The following VPS33B variants were observed in gnomAD, a reference collection of about 807,000 sequenced individuals.
The protein encoded by VPS33B is vacuolar protein sorting-associated protein 33B.
VPS33B carries 80 observed loss-of-function variants against 95.3 expected under a neutral mutation model. That is an observed-to-expected ratio of 0.84 (90% CI 0.70 to 1.01). VPS33B has a LOEUF of 1.01. VPS33B is among the 50% of genes least tolerant of loss of function. VPS33B has a pLI of 0.00. For synonymous variants in VPS33B, 280 were observed against 280.4 expected (o/e 1.00, Z 0.01); for missense variants, 715 against 773.4 (o/e 0.92, Z 0.90).
Position 91,014,373 on chromosome 15 carries a change from G to A in VPS33B, c.289+11C>T. On this transcript the variant is annotated intron_variant, in intron 4 of 22. Transcript: ENST00000333371. The stretch of plus-strand genomic sequence containing the variant: ...TTCCCACAGTTACACATAGTACCAT[G>A]GCACACTCACTGGCAATGTATCGCA... The A allele has an allele frequency of 1.2e-6, 2 of 1,614,064 alleles. No homozygotes were observed. The highest frequency in any genetic ancestry group is 1.7e-6 in the Non-Finnish European group (2 of 1,180,008).
In VPS33B at chr15:91,006,703, A is replaced by G; in HGVS notation, c.727T>C (p.Ser243Pro). ...ACTAGGCCCTCATAAACCACTTGGG[A>G]GCAAAGTGCTGTCACAAAGTCCACA... ...RDVDFVTALC[S>P]QVVYEGLVDD... The change falls in exon 10 of 23, where the codon TCC becomes CCC. Residue 243 changes from serine to proline, a missense_variant. Physicochemically the swap from Ser to Pro is moderately conservative, Grantham distance 74. Transcript: ENST00000333371. The surrounding 1 kb of genome is among the most constrained non-coding windows in gnomAD (Gnocchi z 5.4). 1 of 1,614,168 alleles carries G rather than the reference A, an allele frequency of 6.2e-7. No homozygotes were observed. The highest frequency in any genetic ancestry group is 8.5e-7 in the Non-Finnish European group (1 of 1,180,038).
At chr15:91,020,235 T>C (rs1035252415) in intron 1 of VPS33B, among the ~76,000 whole-genome samples, 2 of 152,262 alleles carry the variant, frequency 1.3e-5, no homozygotes, top group Non-Finnish European at 2.9e-5. Flanking sequence ...AATGTGCAAG[T>C]GTTATTTTAT....
At chr15:91,001,664 A>T (rs564564357) in intron 18 of VPS33B, among the ~76,000 whole-genome samples, 1 of 152,252 alleles carries the variant, frequency 6.6e-6, no homozygotes, top group South Asian at 2.1e-4. Flanking sequence ...ACGGGGTACC[A>T]GCTCTCTACT....
chr15:91,013,456 G>A lies in VPS33B; in HGVS notation c.357+348C>T, dbSNP rs1567227071. Among the ~76,000 whole-genome samples the A allele has an allele frequency of 1.3e-5, 2 of 152,130 alleles. No individual in the cohort carries two copies. The highest frequency in any genetic ancestry group is 4.1e-4 in the South Asian group (2 of 4,828). ...TAATAACAGGTGATTGGGTTATGAG[G>A]GAGGAGTCCTCATGAATGGATTAAT... On this transcript the variant is annotated intron_variant, in intron 5 of 22. Transcript: ENST00000333371. This position sits in a 1 kb window ranked among gnomAD's most constrained non-coding sequence, Gnocchi z 4.5.
chr15:91,007,053 G>C lies in VPS33B; in HGVS notation c.604-7C>G. 1.2e-6 allele frequency: 2 copies of C among 1,609,132 alleles called. No homozygotes were observed. Among genetic ancestry groups the C allele is most frequent in the East Asian group, 2.2e-5 (1 of 44,878 alleles). ...TCCACAATTCATATGCCATCTGCCA[G>C]GGCCCAAGACATTCTCAGTCTTGTG... On this transcript the variant is annotated splice_region_variant and splice_polypyrimidine_tract_variant and intron_variant, in intron 8 of 22. Coordinates refer to ENST00000333371, the MANE Select transcript of VPS33B (RefSeq NM_018668.5). The surrounding 1 kb of genome is among the most constrained non-coding windows in gnomAD (Gnocchi z 5.3).
At chr15:91,004,461 A>G (rs916354151) in intron 16 of VPS33B, among the ~76,000 whole-genome samples, 1 of 152,158 alleles carries the variant, frequency 6.6e-6, no homozygotes, top group Non-Finnish European at 1.5e-5. Flanking sequence ...CCGAGATCGC[A>G]CCACTGTACT....
intron 6 of VPS33B, 87 bp from the exon 7 acceptor site, chr15:91,008,051 G>A (rs1033807081): frequency 6.5e-6 from 8 of 1,238,536 alleles, no homozygotes; most frequent in Middle Eastern, 2.0e-4. Context: ...ATTTGAGTGC[G>A]TGCAACAAAT....
chr15:91,022,451 C>G lies in VPS33B; in HGVS notation c.-202G>C. On this transcript the variant is annotated 5_prime_UTR_variant, in exon 1 of 23. Transcript: ENST00000333371. ...AAGAGAGCTACTACCTCGGAGCAGC[C>G]TTGTCTCAGACCTGCAGCCACCGTG... The G allele has an allele frequency of 1.9e-6, 1 of 538,448 alleles. No homozygotes were observed. Among genetic ancestry groups the G allele is most frequent in the Non-Finnish European group, 3.3e-6 (1 of 301,346 alleles). The allele number at this position is 538,448 out of a possible 1,614,324, so 33.4% of individuals were successfully genotyped here. A position where few individuals can be genotyped will look rare whatever the true frequency, so the allele number is the denominator to read the frequency against.
chr15:91,001,680 C>T (rs550119654), intron 18 of VPS33B, among the ~76,000 whole-genome samples: 16 of 152,334 alleles, frequency 1.1e-4, no homozygotes, highest in Admixed American at 9.8e-4. Flanking sequence ...CTACTAAATG[C>T]AATCCACAGG....
chr15:91,003,664 T>C (rs1280493711), intron 16 of VPS33B, among the ~76,000 whole-genome samples: 3 of 152,048 alleles, frequency 2.0e-5, no homozygotes, highest in Non-Finnish European at 2.9e-5. Flanking sequence ...GGTCTCCAAC[T>C]CCTGATCTCA....
chr15:91,006,102 C>T lies in VPS33B; in HGVS notation c.853-43G>A, dbSNP rs746368724. 2.5e-6 allele frequency: 4 copies of T among 1,600,832 alleles called. No homozygotes were observed. In the South Asian group the frequency reaches 4.4e-5, roughly 18 times the overall value. ...CAAGAACAGCTTACTCTGTCAGAAC[C>T]ATAACTTAGCAGTAGAATGACAGTA... is the stretch of plus-strand genomic sequence containing the variant. On this transcript the variant is annotated intron_variant, in intron 11 of 22. Coordinates refer to ENST00000333371, the MANE Select transcript of VPS33B (RefSeq NM_018668.5). The surrounding 1 kb of genome is among the most constrained non-coding windows in gnomAD (Gnocchi z 5.4).
chr15:91,002,069 C>T lies in VPS33B; in HGVS notation c.1386G>A (p.Leu462=). 1 of 1,614,124 alleles carries T rather than the reference C, an allele frequency of 6.2e-7. No homozygotes were observed. The highest frequency in any genetic ancestry group is 8.5e-7 in the Non-Finnish European group (1 of 1,180,046). The stretch of plus-strand genomic sequence containing the variant: ...GCTTACCTGCAGCCTTGTCGGTCAC[C>T]AGCTTGCTCACTTTACTCTCCACGG... The part of the protein sequence containing the change: ...LTAVESKVSK[L]VTDKAAGKIT... Residue 462 remains leucine (L), a synonymous_variant, in exon 18 of 23, where the codon CTG becomes CTA. Transcript: ENST00000333371. The surrounding 1 kb of genome is among the most constrained non-coding windows in gnomAD (Gnocchi z 4.7).
rs1310321055 is a variant in VPS33B, at chr15:91,005,745, C to T, written c.979G>A (p.Val327Met). The T allele has an allele frequency of 4.3e-6, 7 of 1,614,120 alleles. No individual in the cohort carries two copies. The highest frequency in any genetic ancestry group is 1.1e-5 in the South Asian group (1 of 91,084). Residue 327 changes from valine to methionine, a missense_variant, in exon 13 of 23, where the codon GTG becomes ATG. Val to Met is a conservative substitution (Grantham distance 21). Transcript: ENST00000333371. This position sits in a 1 kb window ranked among gnomAD's most constrained non-coding sequence, Gnocchi z 6.4. ...GMDIKQMKNF[V>M]SQELKGLKQE... is the part of the protein sequence containing the mutation. ...TTCAGGCCCTTGAGCTCCTGGGACA[C>T]GAAATTCTTCATCTGCTTAATGTCC...
In VPS33B at chr15:91,017,962, T is replaced by C. The variant is rs891316100; in HGVS notation, c.97-77A>G. ...AGCTGAGAAGTGGCCCAGCCACCCA[T>C]CTAACAGAAACAGTCTCTGAGGTGG... On this transcript the variant is annotated intron_variant, in intron 1 of 22. Coordinates refer to ENST00000333371, the MANE Select transcript of VPS33B (RefSeq NM_018668.5). 4.0e-5 allele frequency: 54 copies of C among 1,362,124 alleles called. 1 individual carries two copies. The highest frequency in any genetic ancestry group is 3.9e-4 in the East Asian group (17 of 43,712). 84.4% of individuals were successfully genotyped at this position (1,362,124 alleles called of 1,614,324 possible).
In VPS33B at chr15:91,009,664, C is replaced by A; in HGVS notation, c.403+137G>T. 1.1e-6 allele frequency: 1 copy of A among 940,036 alleles called. No homozygotes were observed. The highest frequency in any genetic ancestry group is 1.6e-6 in the Non-Finnish European group (1 of 609,264). The allele number at this position is 940,036 out of a possible 1,614,324, so 58.2% of individuals were successfully genotyped here. ...ATTCCCATTCTCAGGAACCTCTCCT[C>A]CTGCTACACTAACAGGAATAAGACC... On this transcript the variant is annotated intron_variant, in intron 6 of 22. Transcript: ENST00000333371. The surrounding 1 kb of genome is among the most constrained non-coding windows in gnomAD (Gnocchi z 4.1).
At position 90,999,391 on chromosome 15, in the gene VPS33B, T is replaced by C; in HGVS notation, c.1774+286A>G. On this transcript the variant is annotated intron_variant, in intron 22 of 22. Transcript: ENST00000333371. This position sits in a 1 kb window ranked among gnomAD's most constrained non-coding sequence, Gnocchi z 5.1. ...TGGAGTGCAATGGTGCAATCTCAGC[T>C]CACTGCAACCTCCACCTCCCGGGTT... The C allele has an allele frequency of 2.0e-6, 1 of 503,236 alleles. No individual in the cohort carries two copies. Among genetic ancestry groups the C allele is most frequent in the Non-Finnish European group, 3.6e-6 (1 of 276,726 alleles). The allele number at this position is 503,236 out of a possible 1,614,324, so 31.2% of individuals were successfully genotyped here.
rs1021937725 is a variant in VPS33B, at chr15:91,002,309, G to A, written c.1273-127C>T. The A allele has an allele frequency of 7.3e-7, 1 of 1,378,988 alleles. No homozygotes were observed. Among genetic ancestry groups the A allele is most frequent in the Non-Finnish European group, 1.0e-6 (1 of 999,810 alleles). 85.4% of individuals were successfully genotyped at this position (1,378,988 alleles called of 1,614,324 possible). Reference sequence around the variant, plus strand: ...AGTGTGAAGGAGCTCACACTTTGTTGAGATAAATTTTCACATCAGAAATAA... The same window carrying A: ...AGTGTGAAGGAGCTCACACTTTGTTAAGATAAATTTTCACATCAGAAATAA... On this transcript the variant is annotated intron_variant, in intron 17 of 22. Transcript: ENST00000333371. The surrounding 1 kb of genome is among the most constrained non-coding windows in gnomAD (Gnocchi z 4.7).
At position 91,013,869 on chromosome 15, in the gene VPS33B, G is replaced by C; in HGVS notation, c.292C>G (p.Leu98Val). 1 of 1,614,068 alleles carries C rather than the reference G, an allele frequency of 6.2e-7. No homozygotes were observed. The highest frequency in any genetic ancestry group is 8.5e-7 in the Non-Finnish European group (1 of 1,179,990). ...CCAGCCAATTTGTCAGCATTGACAA[G>C]ACCTACAGAGAGAAGGAATGCAGCC... ...RIKNMRYIAS[L>V]VNADKLAGRT... Residue 98 changes from leucine (L) to valine (V), a missense_variant and splice_region_variant, in exon 5 of 23, where the codon CTT becomes GTT. Physicochemically the swap from Leu to Val is conservative, Grantham distance 32 (BLOSUM62 1). Transcript: ENST00000333371. The surrounding 1 kb of genome is among the most constrained non-coding windows in gnomAD (Gnocchi z 4.5).
Position 91,009,854 on chromosome 15 carries a change from A to G in VPS33B, c.358-8T>C. ...CATCTCACACGCATAGAACTGAAAG[A>G]GAAAAGGAAATTGATTAGTAACTAC... On this transcript the variant is annotated splice_polypyrimidine_tract_variant and splice_region_variant and intron_variant, in intron 5 of 22. Coordinates refer to ENST00000333371, the MANE Select transcript of VPS33B (RefSeq NM_018668.5). The surrounding 1 kb of genome is among the most constrained non-coding windows in gnomAD (Gnocchi z 4.1). The G allele has an allele frequency of 6.2e-7, 1 of 1,614,120 alleles. No homozygotes were observed. Among genetic ancestry groups the G allele is most frequent in the South Asian group, 1.1e-5 (1 of 91,076 alleles).
Sources: allele counts gnomAD v4.1 joint callset (sites outside exome capture counted in the v4.1 genomes callset), GRCh38; gene constraint gnomAD v4.1.1; non-coding constraint Gnocchi (gnomAD v3.1); transcripts MANE v1.5; gene names NCBI Gene and HGNC (gene_info 2026-07-23, HGNC 2026-07-21).